EYA4: variants seen among roughly 807,000 people sequenced by gnomAD.
The protein encoded by EYA4 is EYA transcriptional coactivator and phosphatase 4.
A neutral mutation model predicts 87.9 loss-of-function variants in EYA4; 31 were observed. The observed-to-expected ratio is 0.35, with a 90% CI of 0.27 to 0.48. The LOEUF is 0.48. EYA4 is among the 20% of genes least tolerant of loss of function. The pLI, the probability that EYA4 is intolerant of heterozygous loss-of-function variation, is 0.99. For missense variants in EYA4, 678 were observed against 761.4 expected (o/e 0.89, Z 1.29); for synonymous variants, 263 against 270.6 (o/e 0.97, Z 0.28).
At chr6:133,522,956 C>T (rs1262686353) in intron 17 of EYA4, 100 bp from the exon 18 acceptor site, 2 of 981,444 alleles carry the variant, frequency 2.0e-6, no homozygotes, top group Non-Finnish European at 3.2e-6. Context: ...TTGAAAGGGA[C>T]CATTAATTAA....
At chr6:133,271,620 C>T (rs1475901317) in intron 1 of EYA4, among the ~76,000 whole-genome samples, 2 of 152,158 alleles carry the variant, frequency 1.3e-5, no homozygotes, top group Admixed American at 6.5e-5. Flanking sequence ...GGTGCCACAT[C>T]GAGGGCTCAG....
intron 2 of EYA4, among the ~76,000 whole-genome samples, chr6:133,284,340 AT>A (rs1014236201): frequency 6.6e-5 from 10 of 152,092 alleles, no homozygotes; most frequent in African/African-American, 1.7e-4. Context: ...CAACAGGATA[AT>A]TTTTGTATTT....
Position 133,255,838 on chromosome 6 carries a change from A to T in EYA4, c.-66+14089A>T, listed in dbSNP as rs190583454. On this transcript the variant is annotated intron_variant, in intron 1 of 19. Transcript: ENST00000355286. ...CTTGGTGTATGTTTACATTGCTTCC[A>T]TATTTTTACTATTACTAAGTATGTT... is the stretch of plus-strand genomic sequence containing the variant. 4.0e-3 allele frequency among the ~76,000 whole-genome samples: 602 copies of T among 152,126 alleles called. 5 individuals carry two copies. Among genetic ancestry groups the T allele is most frequent in the African/African-American group, 0.013 (557 of 41,532 alleles).
At chr6:133,276,863 C>CATAT (rs1777209950) in intron 2 of EYA4, among the ~76,000 whole-genome samples, 4 of 149,526 alleles carry the variant, frequency 2.7e-5, no homozygotes, top group Non-Finnish European at 4.4e-5. Context: ...TGCCTCATTG[C>CATAT]CTTTGGGTTA....
chr6:133,348,835 T>C (rs886275321), intron 2 of EYA4, among the ~76,000 whole-genome samples: 11 of 152,126 alleles, frequency 7.2e-5, no homozygotes, highest in Admixed American at 7.2e-4. Context: ...TGTCTCCTTA[T>C]GGTATATTCT....
intron 2 of EYA4, among the ~76,000 whole-genome samples, chr6:133,307,899 C>T (rs927317814): frequency 3.9e-5 from 6 of 152,098 alleles, no homozygotes; most frequent in African/African-American, 7.2e-5. Flanking sequence ...CCATAATCCC[C>T]GTGTGTTGTG....
At chr6:133,289,081 C>T (rs950756963) in intron 2 of EYA4, among the ~76,000 whole-genome samples, 36 of 152,210 alleles carry the variant, frequency 2.4e-4, no homozygotes, top group African/African-American at 8.7e-4. Flanking sequence ...CAAGAGGAGG[C>T]TTGCTTGTGT....
At chr6:133,481,355 T>C (rs536513229) in intron 11 of EYA4, 108 bp from the exon 12 acceptor site, 2 of 1,084,788 alleles carry the variant, frequency 1.8e-6, no homozygotes, top group East Asian at 2.4e-5. Flanking sequence ...TTTTTTGCCA[T>C]CAGGAGGTTT....
At chr6:133,272,091 G>A (rs1309497332) in intron 1 of EYA4, among the ~76,000 whole-genome samples, 3 of 152,198 alleles carry the variant, frequency 2.0e-5, no homozygotes, top group Non-Finnish European at 4.4e-5. Flanking sequence ...AGTGCACAAC[G>A]AGGTGCACTG....
chr6:133,530,726 G>T lies in EYA4; in HGVS notation c.*1921G>T. On this transcript the variant is annotated 3_prime_UTR_variant, in exon 20 of 20. Coordinates refer to ENST00000355286, the MANE Select transcript of EYA4 (RefSeq NM_004100.5). ...ATATTGAGATCCCAATTTTGTACAA[G>T]ATTGTGATTTCATTATCTAAACCTT... The T allele has an allele frequency of 3.0e-6, 3 of 985,638 alleles. No homozygotes were observed. Among genetic ancestry groups the T allele is most frequent in the Non-Finnish European group, 2.4e-6 (2 of 829,696 alleles). 61.1% of individuals were successfully genotyped at this position (985,638 alleles called of 1,614,324 possible).
At chr6:133,460,979 G>A (rs915593505) in intron 6 of EYA4, 135 bp from the exon 7 acceptor site, 5 of 720,570 alleles carry the variant, frequency 6.9e-6, no homozygotes, top group Non-Finnish European at 1.3e-5. Flanking sequence ...TGTTTAGGCA[G>A]CTGTTTCCTT....
At chr6:133,447,293 A>G (rs1339996483) in intron 4 of EYA4, among the ~76,000 whole-genome samples, 2 of 152,124 alleles carry the variant, frequency 1.3e-5, no homozygotes, top group African/African-American at 4.8e-5. Flanking sequence ...CATTTTTTTC[A>G]GATAATTTCT....
At chr6:133,362,831 T>C (rs897748542) in intron 2 of EYA4, among the ~76,000 whole-genome samples, 7 of 152,204 alleles carry the variant, frequency 4.6e-5, no homozygotes, top group African/African-American at 1.7e-4. Flanking sequence ...CTGCCCCTGA[T>C]TCCCCCTCCT....
At chr6:133,281,815 C>CT (rs1401380412) in intron 2 of EYA4, among the ~76,000 whole-genome samples, 1 of 152,066 alleles carries the variant, frequency 6.6e-6, no homozygotes, top group Non-Finnish European at 1.5e-5. Flanking sequence ...GTTTCTGTCT[C>CT]TATGTCCATG....
At chr6:133,326,299 C>G (rs1481485789) in intron 2 of EYA4, among the ~76,000 whole-genome samples, 1 of 152,088 alleles carries the variant, frequency 6.6e-6, no homozygotes, top group Non-Finnish European at 1.5e-5. Flanking sequence ...TTTGATAATC[C>G]CAAATCCCAA....
intron 5 of EYA4, among the ~76,000 whole-genome samples, chr6:133,455,638 C>T (rs531031814): frequency 1.3e-5 from 2 of 152,176 alleles, no homozygotes; most frequent in Non-Finnish European, 2.9e-5. Flanking sequence ...TAATTTTCTG[C>T]TTGCTTCTAA....
intron 3 of EYA4, among the ~76,000 whole-genome samples, chr6:133,405,541 G>A (rs1401840928): frequency 6.6e-6 from 1 of 152,076 alleles, no homozygotes; most frequent in Admixed American, 6.6e-5. Context: ...TGTATGAAAG[G>A]TGAATACTCT....
At chr6:133,442,883 AT>A (rs916068631) in intron 3 of EYA4, among the ~76,000 whole-genome samples, 11 of 151,738 alleles carry the variant, frequency 7.2e-5, no homozygotes, top group African/African-American at 2.7e-4. Context: ...ATATTGTCAA[AT>A]TTTTTTTGCA....
intron 2 of EYA4, among the ~76,000 whole-genome samples, chr6:133,315,068 G>A (rs1334115589): frequency 1.3e-5 from 2 of 152,298 alleles, no homozygotes; most frequent in East Asian, 1.9e-4. Flanking sequence ...AAGCTGAGGG[G>A]AAATTCACCC....
Sources: allele counts gnomAD v4.1 joint callset (sites outside exome capture counted in the v4.1 genomes callset), GRCh38; gene constraint gnomAD v4.1.1; transcripts MANE v1.5; gene names NCBI Gene and HGNC (gene_info 2026-07-23, HGNC 2026-07-21).